Variants in KNTC1 observed in about 807,000 individuals in gnomAD.
The protein encoded by KNTC1 is kinetochore-associated protein 1.
Under a neutral mutation model 314.4 loss-of-function variants are expected in KNTC1, and 253 were observed. The ratio of observed to expected loss-of-function variants is 0.80; its 90% CI spans 0.73 to 0.89. The LOEUF (loss-of-function observed/expected upper bound fraction) is 0.89, where lower values mean the gene tolerates loss of function less well. Ranked by LOEUF, KNTC1 falls within the 40% of genes least tolerant of loss-of-function variation. The pLI, the probability that KNTC1 is intolerant of heterozygous loss-of-function variation, is 0.00. For missense variants in KNTC1, 2,475 were observed against 2,572.9 expected, an observed-to-expected ratio of 0.96 and a Z score of 0.82; for synonymous variants, 901 against 901.4, an observed-to-expected ratio of 1.00 and a Z score of 0.01.
intron 32 of KNTC1, 87 bp downstream of exon 32, chr12:122,580,064 A>G (rs1255596914): frequency 1.2e-6 from 1 of 837,786 alleles, no homozygotes; most frequent in African/African-American, 1.7e-5. Flanking sequence ...CTCTCACCGT[A>G]CCCGCAGTTT....
chr12:122,538,282 T>G, intron 3 of KNTC1, 57 bp from the exon 4 acceptor site: 1 of 989,004 alleles, frequency 1.0e-6, no homozygotes, highest in Non-Finnish European at 1.5e-6. Context: ...GTATTTTTTT[T>G]GTATTGAAAA....
rs1488104365 is a variant in KNTC1 at position 122,571,092 on chromosome 12, T to G, written c.1985T>G (p.Leu662Trp). The stretch of plus-strand genomic sequence containing the variant: ...TTTACAGCAGAAAAAACAGACGAGT[T>G]GGGATTGGCATCTTCCTGGCATTGG... ...IFFTAEKTDE[L>W]GLASSWHWIS... The change falls in exon 24 of 64, where the codon TTG becomes TGG. Residue 662 changes from leucine to tryptophan, a missense_variant. Coordinates refer to ENST00000333479, the MANE Select transcript of KNTC1 (RefSeq NM_014708.6). 1.9e-6 allele frequency: 3 copies of G among 1,613,672 alleles called. No homozygotes were observed. The East Asian group carries it at 6.7e-5, about 36-fold the overall frequency.
At position 122,569,306 on chromosome 12, in the gene KNTC1, T is replaced by C. The variant is rs561448450; in HGVS notation, c.1717-375T>C. 2.1e-4 allele frequency among the ~76,000 whole-genome samples: 32 copies of C among 152,306 alleles called. No homozygotes were observed. In the South Asian group the frequency reaches 6.6e-3, roughly 32 times the overall value. Reference sequence around the variant, plus strand: ...AAAGATTGCCCCTTAAAATTGCTTGTCTCGATCCCTTTAAGGTTGGCCAAA... The same window carrying C: ...AAAGATTGCCCCTTAAAATTGCTTGCCTCGATCCCTTTAAGGTTGGCCAAA... On this transcript the variant is annotated intron_variant, in intron 21 of 63. Transcript: ENST00000333479.
intron 44 of KNTC1, among the ~76,000 whole-genome samples, chr12:122,599,940 G>A (rs185307034): frequency 9.9e-5 from 15 of 152,224 alleles, no homozygotes; most frequent in Non-Finnish European, 2.2e-4. Flanking sequence ...GATTGCTTGA[G>A]CCCAGGAGGT....
chr12:122,608,584 C>A (rs1428816449), intron 51 of KNTC1, among the ~76,000 whole-genome samples: 1 of 152,140 alleles, frequency 6.6e-6, no homozygotes. Context: ...CTTTTAGAAA[C>A]CAGCCTTTAC....
At position 122,603,346 on chromosome 12, in the gene KNTC1, GCT is replaced by G. The variant is rs910739728; in HGVS notation, c.5101+108_5101+109del. On this transcript the variant is annotated intron_variant, in intron 48 of 63. Transcript: ENST00000333479. ...TGGTAGTTTTCAAATGTATTTGCTT[GCT>G]CTCTTAACTGTGGTGAATGCTGAAA... 3.7e-5 allele frequency: 32 copies of G among 867,084 alleles called. No homozygotes were observed. The African/African-American group carries it at 5.1e-4, about 14-fold the overall frequency. 53.7% of individuals were successfully genotyped at this position (867,084 alleles called of 1,614,324 possible).
chr12:122,599,790 G>A (rs190980301), intron 44 of KNTC1, among the ~76,000 whole-genome samples: 29 of 152,130 alleles, frequency 1.9e-4, no homozygotes, highest in African/African-American at 6.3e-4. Context: ...TGTTTTTCAC[G>A]CGACTTTTGT....
intron 20 of KNTC1, 63 bp downstream of exon 20, chr12:122,562,762 C>T: frequency 1.0e-6 from 1 of 981,148 alleles, no homozygotes; most frequent in African/African-American, 1.6e-5. Context: ...GTAATCCCAG[C>T]ACTTTGGGAG....
intron 40 of KNTC1, among the ~76,000 whole-genome samples, chr12:122,589,861 G>A (rs894279934): frequency 3.7e-5 from 5 of 135,748 alleles, no homozygotes. Context: ...TCGGCTCACT[G>A]CAAGCTCCGC....
At chr12:122,592,083 G>A (rs936374148) in intron 42 of KNTC1, among the ~76,000 whole-genome samples, 1 of 152,218 alleles carries the variant, frequency 6.6e-6, no homozygotes, top group African/African-American at 2.4e-5. Flanking sequence ...CTGGAGTTCC[G>A]GGTGGATGTG....
chr12:122,620,298 T>G (rs948980118), intron 59 of KNTC1, 181 bp from the exon 60 acceptor site: 4 of 463,614 alleles, frequency 8.6e-6, no homozygotes, highest in African/African-American at 7.9e-5. Flanking sequence ...ATTCTTTTAT[T>G]CTGTGTAGAG....
At chr12:122,543,264 T>C (rs7976597) in intron 6 of KNTC1, among the ~76,000 whole-genome samples, 30,523 of 152,028 alleles carry the variant, frequency 0.2, 3,536 homozygotes, top group East Asian at 0.46. Flanking sequence ...ACGTCTTGGG[T>C]ATATGACAAG....
rs1341960337 is a variant in KNTC1 at position 122,573,292 on chromosome 12, T to C, written c.2283+7T>C. 1 of 1,611,454 alleles carries C rather than the reference T, an allele frequency of 6.2e-7. No homozygotes were observed. The highest frequency in any genetic ancestry group is 8.5e-7 in the Non-Finnish European group (1 of 1,178,398). The stretch of plus-strand genomic sequence containing the variant: ...TCTCTTGCTGTACATAGAGGTAACT[T>C]TTCCTTTACATCTAGTCTTATTTCT... On this transcript the variant is annotated splice_region_variant and intron_variant, in intron 26 of 63. Coordinates refer to ENST00000333479, the MANE Select transcript of KNTC1 (RefSeq NM_014708.6).
In KNTC1 at chr12:122,578,412, G is replaced by GT. The variant is rs893049907; in HGVS notation, c.2841+631dup. Among the ~76,000 whole-genome samples the GT allele has an allele frequency of 6.8e-4, 101 of 147,962 alleles. 1 individual carries two copies. In the Middle Eastern group the frequency reaches 0.01, roughly 15 times the overall value. ...ATGCACCACCATGCTCAATAGTTGGGTTTTTTTTTTCTTTTCTTTTCTTTT... is the reference window on the plus strand; with the variant it reads ...ATGCACCACCATGCTCAATAGTTGGGTTTTTTTTTTTCTTTTCTTTTCTTTT... On this transcript the variant is annotated intron_variant, in intron 31 of 63. Transcript: ENST00000333479.
At position 122,554,075 on chromosome 12, in the gene KNTC1, AAATAT is replaced by A. The variant is rs1425973385; in HGVS notation, c.1272+2381_1272+2385del. On this transcript the variant is annotated intron_variant, in intron 16 of 63. Transcript: ENST00000333479. ...ACAGAATACTTCCTTAAAAAAAAAA[AAATAT>A]ATATATATATATATATATATTTGTA... 2.0e-3 allele frequency among the ~76,000 whole-genome samples: 215 copies of A among 107,178 alleles called. 1 individual carries two copies. Among genetic ancestry groups the A allele is most frequent in the African/African-American group, 8.5e-3 (194 of 22,956 alleles). 70.3% of individuals were successfully genotyped at this position (107,178 alleles called of 152,430 possible).
At chr12:122,624,418 A>G (rs557071815) in intron 62 of KNTC1, among the ~76,000 whole-genome samples, 180 bp from the exon 63 acceptor site, 69 of 152,232 alleles carry the variant, frequency 4.5e-4, no homozygotes, top group African/African-American at 1.6e-3. Context: ...ACAAGTGTGC[A>G]ACACCACACC....
intron 56 of KNTC1, 88 bp from the exon 57 acceptor site, chr12:122,615,379 ACTT>A (rs1254948605): frequency 3.7e-5 from 40 of 1,093,464 alleles, no homozygotes; most frequent in Non-Finnish European, 4.6e-5. Flanking sequence ...TTTTACCAGT[ACTT>A]CTTCTGGAAC....
At chr12:122,606,222 CTT>C (rs34344479) in intron 51 of KNTC1, among the ~76,000 whole-genome samples, 36 of 109,760 alleles carry the variant, frequency 3.3e-4, no homozygotes, top group African/African-American at 9.7e-4. Flanking sequence ...AGATTGTTTA[CTT>C]TTTTTTTTTT....
intron 13 of KNTC1, among the ~76,000 whole-genome samples, chr12:122,550,684 G>A (rs559952014): frequency 6.6e-6 from 1 of 152,166 alleles, no homozygotes; most frequent in East Asian, 1.9e-4. Flanking sequence ...TACATTTTTT[G>A]TAGAGAGGTG....
Sources: gnomAD v4.1 joint callset for allele counts (sites outside exome capture counted in the v4.1 genomes callset) on GRCh38, gnomAD v4.1.1 for gene constraint, MANE v1.5 for transcripts, NCBI Gene and HGNC (gene_info 2026-07-23, HGNC 2026-07-21) for gene names.